The following NUB1 variants were observed in gnomAD, a reference collection of about 807,000 sequenced individuals.
NUB1 encodes negative regulator of ubiquitin like proteins 1, also known as NEDD8 ultimate buster 1.
NUB1 carries 41 observed loss-of-function variants against 77.1 expected under a neutral mutation model. That is an observed-to-expected ratio of 0.53 (90% CI 0.41 to 0.69). The LOEUF (loss-of-function observed/expected upper bound fraction) is 0.69. NUB1 is among the 30% of genes least tolerant of loss of function. NUB1 has a pLI of 0.00. For synonymous variants in NUB1, 257 were observed against 281.0 expected, an observed-to-expected ratio of 0.91 and a Z score of 0.85; for missense variants, 643 against 743.8, an observed-to-expected ratio of 0.86 and a Z score of 1.58.
At chr7:151,367,201 G>T in intron 9 of NUB1, 76 bp downstream of exon 9, 1 of 1,195,364 alleles carries the variant, frequency 8.4e-7, no homozygotes, top group South Asian at 1.4e-5. Context: ...TAAAGTATTT[G>T]AACTACTGCC....
intron 8 of NUB1, among the ~76,000 whole-genome samples, chr7:151,363,302 C>A (rs1797474741): frequency 6.6e-6 from 1 of 152,042 alleles, no homozygotes; most frequent in East Asian, 1.9e-4. Flanking sequence ...ATTCAAAAGA[C>A]CCACATTAGA....
rs183389243 is a variant in NUB1, at chr7:151,365,551, T to C, written c.801-1388T>C. 5.6e-4 allele frequency among the ~76,000 whole-genome samples: 85 copies of C among 152,274 alleles called. 2 individuals carry two copies. In the East Asian group the frequency reaches 0.015, roughly 27 times the overall value. On this transcript the variant is annotated intron_variant, in intron 8 of 14. Coordinates refer to ENST00000568733, the MANE Select transcript of NUB1 (RefSeq NM_001243351.2). ...GAGTCTTCTGTCACTGGGACCAGAATGTGCCTAGAGGCAGGAAATCTCAAC... is the reference window on the plus strand; with the variant it reads ...GAGTCTTCTGTCACTGGGACCAGAACGTGCCTAGAGGCAGGAAATCTCAAC...
intron 2 of NUB1, among the ~76,000 whole-genome samples, chr7:151,348,702 A>C (rs950361614): frequency 1.0e-4 from 15 of 145,572 alleles, no homozygotes; most frequent in African/African-American, 3.8e-4. Flanking sequence ...CAGCCCCCCA[A>C]GTAGCTGGGC....
At chr7:151,374,751 CCT>C (rs1445430713) in intron 12 of NUB1, 1 of 171,636 alleles carries the variant, frequency 5.8e-6, no homozygotes, top group African/African-American at 2.4e-5. Flanking sequence ...CACTTCCTTC[CCT>C]GTGTTGGAGA....
chr7:151,371,218 C>T (rs1278787459), intron 11 of NUB1, among the ~76,000 whole-genome samples: 1 of 152,192 alleles, frequency 6.6e-6, no homozygotes, highest in Admixed American at 6.5e-5. Context: ...CCCAAAATGG[C>T]CTAAACATCA....
At chr7:151,376,527 C>A (rs752472598) in intron 13 of NUB1, 107 bp from the exon 14 acceptor site, 3 of 1,082,828 alleles carry the variant, frequency 2.8e-6, no homozygotes, top group African/African-American at 1.6e-5. Flanking sequence ...ATGGTGCACA[C>A]GCCGGGAGCT....
At chr7:151,342,150 T>TA (rs545353192) in intron 1 of NUB1, among the ~76,000 whole-genome samples, 2 of 152,214 alleles carry the variant, frequency 1.3e-5, no homozygotes, top group Non-Finnish European at 2.9e-5. Flanking sequence ...AATATGTCTA[T>TA]AAAAAATTAG....
At position 151,364,555 on chromosome 7, in the gene NUB1, C is replaced by T. The variant is rs559613256; in HGVS notation, c.801-2384C>T. On this transcript the variant is annotated intron_variant, in intron 8 of 14. Transcript: ENST00000568733. The stretch of plus-strand genomic sequence containing the variant: ...TGTTGTTGTTTTTGAGACGGAGTCT[C>T]GCTCTGTCGCCCACGCTGGAGTGCA... Among the ~76,000 whole-genome samples the T allele has an allele frequency of 8.5e-5, 13 of 152,238 alleles. No homozygotes were observed. In the East Asian group the frequency reaches 9.7e-4, roughly 11 times the overall value.
chr7:151,376,464 C>T lies in NUB1; in HGVS notation c.1492-170C>T, dbSNP rs983165175. 3 of 638,604 alleles carry T rather than the reference C, an allele frequency of 4.7e-6. No homozygotes were observed. The African/African-American group carries it at 5.5e-5, about 12-fold the overall frequency. 39.6% of individuals were successfully genotyped at this position (638,604 alleles called of 1,614,324 possible). A position where few individuals can be genotyped will look rare whatever the true frequency, so the allele number is the denominator to read the frequency against. ...GACTTGAGTCTTCCAAGCCCCCTTC[C>T]AGGTTGCTCTACGCTCACATTGCAC... On this transcript the variant is annotated intron_variant, in intron 13 of 14. Transcript: ENST00000568733.
chr7:151,356,358 T>C (rs548153028), intron 7 of NUB1, 136 bp downstream of exon 7: 3 of 690,860 alleles, frequency 4.3e-6, no homozygotes, highest in East Asian at 2.7e-5. Flanking sequence ...AAACAGAAAA[T>C]GTCACCACGT....
chr7:151,362,638 C>T (rs765220574), intron 8 of NUB1, among the ~76,000 whole-genome samples: 5 of 152,176 alleles, frequency 3.3e-5, no homozygotes, highest in Non-Finnish European at 7.3e-5. Flanking sequence ...GGAGGGCAAA[C>T]CCAGGCAGAG....
chr7:151,344,092 A>C (rs1239656683), intron 1 of NUB1, among the ~76,000 whole-genome samples: 1 of 142,232 alleles, frequency 7.0e-6, no homozygotes, highest in Non-Finnish European at 1.5e-5. Flanking sequence ...GAGGCAGGAG[A>C]ATGGCGTGAA....
At position 151,349,233 on chromosome 7, in the gene NUB1, T is replaced by C; in HGVS notation, c.278T>C (p.Leu93Pro). 1 of 1,603,618 alleles carries C rather than the reference T, an allele frequency of 6.2e-7. No homozygotes were observed. Among genetic ancestry groups the C allele is most frequent in the Non-Finnish European group, 8.5e-7 (1 of 1,176,398 alleles). ...ATCGAGGTGTTTTTACCACCAAGAC[T>C]AAAAAAAGTGAGTAATTTCCCTAAA... ...ATIEVFLPPR[L>P]KKDRKNLLET... The change falls in exon 3 of 15, where the codon CTA becomes CCA. Residue 93 changes from leucine (L) to proline (P), a missense_variant. By Grantham distance (98) the Leu-to-Pro change is moderately conservative (BLOSUM62 -3). Transcript: ENST00000568733.
chr7:151,369,455 T>C (rs13234689), intron 11 of NUB1, among the ~76,000 whole-genome samples: 67,506 of 152,108 alleles, frequency 0.44, 16,168 homozygotes, highest in Non-Finnish European at 0.55. Context: ...AAAATTGTTT[T>C]TTCATGAGGT....
chr7:151,356,105 A>C, intron 6 of NUB1, 23 bp from the exon 7 acceptor site: 1 of 1,597,624 alleles, frequency 6.3e-7, no homozygotes, highest in Non-Finnish European at 8.6e-7. Context: ...GAGTTCATGG[A>C]GGTCCTTTTG....
At chr7:151,356,060 T>A in intron 6 of NUB1, 68 bp from the exon 7 acceptor site, 2 of 1,552,988 alleles carry the variant, frequency 1.3e-6, no homozygotes, top group Non-Finnish European at 8.9e-7. Context: ...AGTCTAACAT[T>A]TTTAAGGCTG....
At chr7:151,366,605 G>A (rs1797698188) in intron 8 of NUB1, among the ~76,000 whole-genome samples, 1 of 152,228 alleles carries the variant, frequency 6.6e-6, no homozygotes, top group South Asian at 2.1e-4. Context: ...CAGCTTTAAA[G>A]CATGGTCTTC....
intron 5 of NUB1, among the ~76,000 whole-genome samples, chr7:151,354,174 A>T (rs994081404): frequency 6.6e-6 from 1 of 152,128 alleles, no homozygotes; most frequent in African/African-American, 2.4e-5. Flanking sequence ...AATTCATTAA[A>T]TAGTCTGTCT....
intron 2 of NUB1, among the ~76,000 whole-genome samples, chr7:151,348,569 C>CTTTTTTTTTT (rs59781719): frequency 0.017 from 1,213 of 69,956 alleles, 68 homozygotes; most frequent in Non-Finnish European, 0.022. Context: ...TTGCTTTTTG[C>CTTTTTTTTTT]TTTTTTTTTT....
Sources: allele counts gnomAD v4.1 joint callset (sites outside exome capture counted in the v4.1 genomes callset), GRCh38; gene constraint gnomAD v4.1.1; transcripts MANE v1.5; gene names NCBI Gene and HGNC (gene_info 2026-07-23, HGNC 2026-07-21).